The following NRG1 variants were observed in gnomAD, a reference collection of about 807,000 sequenced individuals.
NRG1 encodes the protein neuregulin 1.
In NRG1, 18 loss-of-function variants were observed where a neutral mutation model predicts 63.8. That is an observed-to-expected ratio of 0.28 (90% CI 0.19 to 0.42). The LOEUF is 0.42. Among genes scored for constraint, NRG1 ranks in the 10% least tolerant of loss-of-function variants. NRG1 has a pLI of 1.00. For missense variants in NRG1, 762 were observed against 814.7 expected, an observed-to-expected ratio of 0.94 and a Z score of 0.79; for synonymous variants, 302 against 301.3, an observed-to-expected ratio of 1.00 and a Z score of -0.02.
chr8:31,706,895 ATTAT>A (rs1276950844), intron 1 of NRG1, among the ~76,000 whole-genome samples: 1 of 151,540 alleles, frequency 6.6e-6, no homozygotes, highest in East Asian at 1.9e-4. Flanking sequence ...TGATCTTTTT[ATTAT>A]TTATTTCTAT....
chr8:32,511,429 A>T (rs1364564021), intron 1 of NRG1, among the ~76,000 whole-genome samples: 1 of 148,300 alleles, frequency 6.7e-6, no homozygotes, highest in African/African-American at 2.5e-5. Flanking sequence ...AGCTGCTTAT[A>T]GCCCTGAATC....
Position 32,050,321 on chromosome 8 carries a change from A to T in NRG1, c.37+410890A>T, listed in dbSNP as rs1197927480. Among the ~76,000 whole-genome samples, 4 of 152,138 alleles carry T rather than the reference A, an allele frequency of 2.6e-5. No individual in the cohort carries two copies. The South Asian group carries it at 8.3e-4, about 31-fold the overall frequency. ...TAACATCGTGTCTGACTTCTAGGAT[A>T]TCACACCTTCAATGAGTTATTGTTT... is the stretch of plus-strand genomic sequence containing the variant. On this transcript the variant is annotated intron_variant, in intron 1 of 10. Transcript: ENST00000519301.
intron 1 of NRG1, among the ~76,000 whole-genome samples, chr8:32,391,007 T>G (rs1014682184): frequency 4.6e-5 from 7 of 152,232 alleles, no homozygotes; most frequent in Non-Finnish European, 1.5e-5. Context: ...GTGACATTTT[T>G]TCAATATTTT....
At chr8:31,668,735 T>C (rs1367087451) in intron 1 of NRG1, among the ~76,000 whole-genome samples, 1 of 152,234 alleles carries the variant, frequency 6.6e-6, no homozygotes, top group Non-Finnish European at 1.5e-5. Flanking sequence ...AAGTATGTTT[T>C]CTATGAGTTT....
chr8:32,040,815 C>T (rs1352126837), intron 1 of NRG1, among the ~76,000 whole-genome samples: 3 of 111,608 alleles, frequency 2.7e-5, no homozygotes, highest in African/African-American at 1.0e-4. Flanking sequence ...CTTAAAGTAC[C>T]AAGATATTTT....
chr8:32,109,964 A>G (rs1831790367), intron 1 of NRG1, among the ~76,000 whole-genome samples: 1 of 152,108 alleles, frequency 6.6e-6, no homozygotes, highest in African/African-American at 2.4e-5. Context: ...GGCAAATTCA[A>G]CTTCTCTGAG....
At chr8:32,119,981 G>GT (rs2131540801) in intron 1 of NRG1, among the ~76,000 whole-genome samples, 1 of 152,036 alleles carries the variant, frequency 6.6e-6, no homozygotes, top group East Asian at 1.9e-4. Context: ...TCCTATTCTT[G>GT]TTTTTTTCTA....
At chr8:32,624,890 T>A (rs1848947040) in intron 5 of NRG1, among the ~76,000 whole-genome samples, 1 of 152,198 alleles carries the variant, frequency 6.6e-6, no homozygotes, top group East Asian at 1.9e-4. Flanking sequence ...AAATTCCTAG[T>A]TTCTTTTACC....
intron 1 of NRG1, among the ~76,000 whole-genome samples, chr8:32,005,086 G>T (rs116264616): frequency 0.014 from 2,031 of 150,010 alleles, 36 homozygotes; most frequent in African/African-American, 0.047. Context: ...GAAAGAGGAA[G>T]AAATAAAGGA....
At chr8:31,801,098 C>T (rs1292158939) in intron 1 of NRG1, among the ~76,000 whole-genome samples, 2 of 151,852 alleles carry the variant, frequency 1.3e-5, no homozygotes, top group African/African-American at 4.8e-5. Flanking sequence ...CCACCTGCCT[C>T]GGCCTCCCAA....
intron 1 of NRG1, among the ~76,000 whole-genome samples, chr8:31,935,573 CTG>C (rs1835234230): frequency 2.0e-5 from 3 of 152,192 alleles, no homozygotes; most frequent in Non-Finnish European, 4.4e-5. Flanking sequence ...TGTTTTCCAT[CTG>C]ACAGGTGAGA....
chr8:31,923,875 C>G (rs1834117134), intron 1 of NRG1, among the ~76,000 whole-genome samples: 1 of 152,074 alleles, frequency 6.6e-6, no homozygotes. Context: ...CCCCTCACCC[C>G]TCTAAGTCTC....
chr8:32,642,313 A>T (rs999571684), intron 5 of NRG1, among the ~76,000 whole-genome samples: 2 of 152,256 alleles, frequency 1.3e-5, no homozygotes, highest in African/African-American at 4.8e-5. Flanking sequence ...TCAAATACTG[A>T]TAGTCTTTGC....
chr8:32,069,097 C>T lies in NRG1; in HGVS notation c.37+429666C>T, dbSNP rs150535814. On this transcript the variant is annotated intron_variant, in intron 1 of 10. Transcript: ENST00000519301. The stretch of plus-strand genomic sequence containing the variant: ...CAGGAAGGGGGCCAGGTGCTATCTC[C>T]TTGAAGGAGGGATGAACCGTCCTCA... 1.1e-4 allele frequency among the ~76,000 whole-genome samples: 16 copies of T among 152,252 alleles called. No homozygotes were observed. The East Asian group carries it at 2.9e-3, about 28-fold the overall frequency.
chr8:31,699,876 T>A (rs919392256), intron 1 of NRG1, among the ~76,000 whole-genome samples: 3 of 152,150 alleles, frequency 2.0e-5, no homozygotes, highest in African/African-American at 7.2e-5. Context: ...CTGTGGCTGT[T>A]ACCAGAAGAA....
intron 1 of NRG1, among the ~76,000 whole-genome samples, chr8:31,667,364 T>C (rs894017387): frequency 2.6e-5 from 4 of 152,186 alleles, no homozygotes; most frequent in Non-Finnish European, 5.9e-5. Flanking sequence ...CAATTCATTA[T>C]TTTAACAAAG....
chr8:32,477,464 T>C (rs1824671859), intron 1 of NRG1, among the ~76,000 whole-genome samples: 1 of 152,256 alleles, frequency 6.6e-6, no homozygotes, highest in Non-Finnish European at 1.5e-5. Context: ...TCATGTCTTA[T>C]ATATGCTGTT....
At chr8:32,035,893 T>G (rs1818974526) in intron 1 of NRG1, among the ~76,000 whole-genome samples, 1 of 152,074 alleles carries the variant, frequency 6.6e-6, no homozygotes, top group Admixed American at 6.5e-5. Context: ...TTTATCCAGC[T>G]TTCCATTCTT....
intron 1 of NRG1, among the ~76,000 whole-genome samples, chr8:31,951,622 G>A (rs1411751206): frequency 6.6e-6 from 1 of 152,148 alleles, no homozygotes; most frequent in Non-Finnish European, 1.5e-5. Flanking sequence ...GGAAATGCAA[G>A]CAGTGTCACT....
Sources: allele counts gnomAD v4.1 joint callset (sites outside exome capture counted in the v4.1 genomes callset), GRCh38; gene constraint gnomAD v4.1.1; transcripts MANE v1.5; gene names NCBI Gene and HGNC (gene_info 2026-07-23, HGNC 2026-07-21).